PLD5: variants seen among roughly 807,000 people sequenced by gnomAD.
PLD5 encodes the protein inactive phospholipase D5.
A neutral mutation model predicts 61.1 loss-of-function variants in PLD5; 36 were observed. That is an observed-to-expected ratio of 0.59 (90% CI 0.45 to 0.78). PLD5 has a LOEUF of 0.78. Ranked by LOEUF, PLD5 falls within the 30% of genes least tolerant of loss-of-function variation. The pLI, the probability that PLD5 is intolerant of heterozygous loss-of-function variation, is 0.00. For synonymous variants in PLD5, 243 were observed against 242.8 expected (o/e 1.00, Z -0.01); for missense variants, 515 against 644.4 (o/e 0.80, Z 2.17).
chr1:242,307,549 TA>T (rs1676452272), intron 2 of PLD5, among the ~76,000 whole-genome samples: 13 of 152,262 alleles, frequency 8.5e-5, no homozygotes, highest in African/African-American at 3.1e-4. Context: ...CACAAGTTAG[TA>T]GCAGAACCAG....
At chr1:242,164,176 A>AG (rs1474532606) in intron 5 of PLD5, among the ~76,000 whole-genome samples, 2 of 151,878 alleles carry the variant, frequency 1.3e-5, no homozygotes, top group East Asian at 1.9e-4. Flanking sequence ...AGAAAAAAAA[A>AG]AAAGAAATTC....
rs1189663209 is a variant in PLD5 at position 242,481,511 on chromosome 1, G to A, written c.189+42577C>T. Among the ~76,000 whole-genome samples the A allele has an allele frequency of 2.0e-5, 3 of 152,244 alleles. No homozygotes were observed. The East Asian group carries it at 5.8e-4, about 29-fold the overall frequency. ...CTGCAAGGCAGCAGTGAGGCTGGGG[G>A]AGGGGCGCCTGCCATTGCTGAGGCT... On this transcript the variant is annotated intron_variant, in intron 1 of 9. Transcript: ENST00000536534.
intron 5 of PLD5, among the ~76,000 whole-genome samples, chr1:242,143,576 A>AT (rs1323400033): frequency 7.2e-5 from 11 of 152,354 alleles, no homozygotes; most frequent in Non-Finnish European, 2.9e-5. Flanking sequence ...GAAAAACAGC[A>AT]TAAATAAAGG....
intron 1 of PLD5, among the ~76,000 whole-genome samples, chr1:242,479,196 GT>G (rs1667692216): frequency 6.6e-6 from 1 of 152,138 alleles, no homozygotes; most frequent in Non-Finnish European, 1.5e-5. Flanking sequence ...AGGAAATGAG[GT>G]AAGGAATGCA....
At chr1:242,425,953 A>T (rs1333091184) in intron 1 of PLD5, among the ~76,000 whole-genome samples, 1 of 152,052 alleles carries the variant, frequency 6.6e-6, no homozygotes, top group African/African-American at 2.4e-5. Flanking sequence ...AGCTTACTGT[A>T]ACTTTTTTAG....
Position 242,089,763 on chromosome 1 carries a change from A to G in PLD5, c.*91T>C. ...TTTATAAGTGTGCTTTTTCCCTAAA[A>G]AAAGAGACATATTAAAGTGTTTTTT... is the stretch of plus-strand genomic sequence containing the variant. On this transcript the variant is annotated 3_prime_UTR_variant, in exon 10 of 10. Transcript: ENST00000536534. The G allele has an allele frequency of 6.6e-7, 1 of 1,510,308 alleles. No homozygotes were observed. The highest frequency in any genetic ancestry group is 9.0e-7 in the Non-Finnish European group (1 of 1,107,246). The allele number at this position is 1,510,308 out of a possible 1,614,324, so 93.6% of individuals were successfully genotyped here.
At chr1:242,462,529 C>T (rs187669355) in intron 1 of PLD5, among the ~76,000 whole-genome samples, 25 of 151,462 alleles carry the variant, frequency 1.7e-4, no homozygotes, top group Admixed American at 4.6e-4. Context: ...GCCTGGGTGA[C>T]GGGATCCATA....
At chr1:242,198,276 G>C (rs1419754292) in intron 5 of PLD5, among the ~76,000 whole-genome samples, 1 of 152,162 alleles carries the variant, frequency 6.6e-6, no homozygotes, top group Non-Finnish European at 1.5e-5. Flanking sequence ...TAAGAAGGCA[G>C]AGTCTAGTCT....
intron 4 of PLD5, among the ~76,000 whole-genome samples, chr1:242,253,015 C>T (rs1672794404): frequency 6.6e-6 from 1 of 151,526 alleles, no homozygotes. Flanking sequence ...CACGGTTTTA[C>T]CATGTTGCTC....
chr1:242,395,100 T>C (rs945277592), intron 1 of PLD5, among the ~76,000 whole-genome samples: 1 of 146,368 alleles, frequency 6.8e-6, no homozygotes, highest in Non-Finnish European at 1.5e-5. Context: ...TGAATATATA[T>C]GTATGTATAT....
chr1:242,247,076 C>T (rs1041029243), intron 4 of PLD5, among the ~76,000 whole-genome samples: 13 of 150,642 alleles, frequency 8.6e-5, no homozygotes, highest in East Asian at 7.8e-4. Flanking sequence ...CTCCGCCTCC[C>T]GGGTTCACGC....
chr1:242,444,719 A>ATATTATATTATATAAT (rs1224799127), intron 1 of PLD5, among the ~76,000 whole-genome samples: 72 of 704 alleles, frequency 0.1, no homozygotes, highest in African/African-American at 0.23. Flanking sequence ...ATATAATAAA[A>ATATTATATTATATAAT]TAATATATAT....
chr1:242,504,971 C>T (rs1057205894), intron 1 of PLD5, among the ~76,000 whole-genome samples: 5 of 151,964 alleles, frequency 3.3e-5, no homozygotes, highest in Non-Finnish European at 4.4e-5. Flanking sequence ...GCCTGGACAA[C>T]ACAATGATAC....
chr1:242,154,956 T>A (rs1046746083), intron 5 of PLD5, among the ~76,000 whole-genome samples: 1 of 152,090 alleles, frequency 6.6e-6, no homozygotes, highest in Admixed American at 6.6e-5. Context: ...TAGAATTCAC[T>A]TGTGAATCCA....
chr1:242,415,647 G>A (rs1442376202), intron 1 of PLD5, among the ~76,000 whole-genome samples: 2 of 151,772 alleles, frequency 1.3e-5, no homozygotes, highest in African/African-American at 2.4e-5. Flanking sequence ...TGAGTAGCTG[G>A]GACTACAGGC....
chr1:242,505,188 T>C (rs938857745), intron 1 of PLD5, among the ~76,000 whole-genome samples: 3 of 152,130 alleles, frequency 2.0e-5, no homozygotes, highest in Non-Finnish European at 2.9e-5. Flanking sequence ...ATTTGGAACA[T>C]TAACAATAAT....
rs1669462266 is a variant in PLD5 at position 242,207,828 on chromosome 1, A to ATATATT, written c.735+12154_735+12159dup. The stretch of plus-strand genomic sequence containing the variant: ...TATATATTTATATTTATATATTTAT[A>ATATATT]TATATTTATATATTTATATATATTT... On this transcript the variant is annotated intron_variant, in intron 5 of 9. Transcript: ENST00000536534. 1.1e-4 allele frequency among the ~76,000 whole-genome samples: 6 copies of ATATATT among 56,836 alleles called. 1 individual carries two copies. The highest frequency in any genetic ancestry group is 1.4e-4 in the Non-Finnish European group (5 of 34,760). 37.3% of individuals were successfully genotyped at this position (56,836 alleles called of 152,430 possible).
At chr1:242,202,249 C>A (rs1169751022) in intron 5 of PLD5, among the ~76,000 whole-genome samples, 1 of 151,338 alleles carries the variant, frequency 6.6e-6, no homozygotes, top group African/African-American at 2.4e-5. Context: ...AACAAACAAA[C>A]AAAAAATATG....
chr1:242,131,975 G>A (rs1275177126), intron 5 of PLD5, among the ~76,000 whole-genome samples: 1 of 150,996 alleles, frequency 6.6e-6, no homozygotes, highest in African/African-American at 2.4e-5. Context: ...GCTGGTACAG[G>A]AGCACGCCAC....
Sources: allele counts gnomAD v4.1 joint callset (sites outside exome capture counted in the v4.1 genomes callset), GRCh38; gene constraint gnomAD v4.1.1; transcripts MANE v1.5; gene names NCBI Gene and HGNC (gene_info 2026-07-23, HGNC 2026-07-21).